Variants in UGGT2 observed in about 807,000 individuals in gnomAD.
UGGT2 encodes the protein UDP-glucose glycoprotein glucosyltransferase 2, also known as UDP-glucose:glycoprotein glucosyltransferase 2.
UGGT2 carries 180 observed loss-of-function variants against 192.1 expected under a neutral mutation model. The ratio of observed to expected loss-of-function variants is 0.94; its 90% confidence interval spans 0.83 to 1.06. UGGT2 has a LOEUF of 1.06. UGGT2 is among the 50% of genes least tolerant of loss of function. The probability of loss-of-function intolerance (pLI) is 0.00; values close to 1 mark genes in which losing one functional copy is unlikely to be tolerated. For missense variants in UGGT2, 1,849 were observed against 1,795.7 expected (o/e 1.03, Z -0.54); for synonymous variants, 580 against 591.0 (o/e 0.98, Z 0.27).
chr13:96,008,476 C>T (rs775502741), intron 5 of UGGT2, among the ~76,000 whole-genome samples: 23 of 152,116 alleles, frequency 1.5e-4, no homozygotes, highest in Non-Finnish European at 2.9e-4. Context: ...CATATCTAGA[C>T]AATCCCATAG....
rs1261859335 is a variant in UGGT2, at chr13:96,013,331, C to T, written c.636G>A (p.Leu212=). The T allele has an allele frequency of 3.1e-6, 5 of 1,601,186 alleles. No individual in the cohort carries two copies. Among genetic ancestry groups the T allele is most frequent in the Admixed American group, 3.5e-5 (2 of 56,510 alleles). Residue 212 remains leucine (L), a synonymous_variant, in exon 5 of 39, where the codon CTG becomes CTA. Transcript: ENST00000376747. Reference sequence around the variant, plus strand: ...CCTGAATATAATGGCGAAGAACATACAGAATTTCCTCATTTTGAGCTTTTT... The same window carrying T: ...CCTGAATATAATGGCGAAGAACATATAGAATTTCCTCATTTTGAGCTTTTT... ...LSEKAQNEEI[L]YVLRHYIQKP... is the part of the protein sequence containing the mutation.
At chr13:95,811,005 T>C (rs572204571) in intron 38 of UGGT2, among the ~76,000 whole-genome samples, 17 of 152,300 alleles carry the variant, frequency 1.1e-4, no homozygotes, top group Non-Finnish European at 2.5e-4. Context: ...CACAATAAGA[T>C]GGTGAACATC....
intron 1 of UGGT2, among the ~76,000 whole-genome samples, chr13:96,049,632 C>T (rs939952169): frequency 1.3e-5 from 2 of 152,184 alleles, no homozygotes; most frequent in African/African-American, 4.8e-5. Context: ...TCAGCAAAGT[C>T]TCAGGATACA....
intron 31 of UGGT2, among the ~76,000 whole-genome samples, chr13:95,862,938 C>G (rs1890300287): frequency 6.6e-6 from 1 of 152,164 alleles, no homozygotes; most frequent in Non-Finnish European, 1.5e-5. Context: ...TCTTGACTTA[C>G]TGCAGCTTTG....
intron 38 of UGGT2, among the ~76,000 whole-genome samples, chr13:95,828,791 A>G (rs1886330460): frequency 6.6e-6 from 1 of 152,216 alleles, no homozygotes; most frequent in Admixed American, 6.5e-5. Flanking sequence ...TTAATAGAAA[A>G]AGAGGGAATC....
intron 29 of UGGT2, among the ~76,000 whole-genome samples, chr13:95,868,934 T>C (rs1352608521): frequency 6.6e-6 from 1 of 152,084 alleles, no homozygotes; most frequent in East Asian, 1.9e-4. Context: ...GTGCACAATG[T>C]GCAGGTTTGT....
At chr13:95,879,690 G>C (rs1254379172) in intron 27 of UGGT2, among the ~76,000 whole-genome samples, 1 of 152,124 alleles carries the variant, frequency 6.6e-6, no homozygotes, top group Non-Finnish European at 1.5e-5. Flanking sequence ...GCCCATCTTG[G>C]CCTCCCAAAG....
intron 26 of UGGT2, 22 bp from the exon 27 acceptor site, chr13:95,884,702 A>G (rs1490224368): frequency 1.3e-6 from 2 of 1,569,170 alleles, no homozygotes; most frequent in Admixed American, 2.0e-5. Context: ...ACATAAAAAT[A>G]CATAATGTGA....
chr13:95,914,051 G>A (rs2048594650), intron 20 of UGGT2, among the ~76,000 whole-genome samples: 1 of 152,044 alleles, frequency 6.6e-6, no homozygotes, highest in African/African-American at 2.4e-5. Context: ...ATTGGACACA[G>A]GGCCTTGGAC....
At chr13:95,827,069 G>A (rs999136854) in intron 38 of UGGT2, among the ~76,000 whole-genome samples, 2 of 152,056 alleles carry the variant, frequency 1.3e-5, no homozygotes, top group Admixed American at 6.6e-5. Flanking sequence ...GATAAAGATG[G>A]CAATACAAAT....
intron 29 of UGGT2, among the ~76,000 whole-genome samples, chr13:95,869,459 C>T (rs1891027909): frequency 6.6e-6 from 1 of 152,174 alleles, no homozygotes; most frequent in South Asian, 2.1e-4. Flanking sequence ...TCAGGAATCA[C>T]CACACTGACT....
chr13:95,839,523 G>T (rs143150089), intron 36 of UGGT2, among the ~76,000 whole-genome samples: 168 of 152,110 alleles, frequency 1.1e-3, no homozygotes, highest in African/African-American at 4.0e-3. Context: ...ACAACATTTG[G>T]CTTATTCATT....
chr13:95,837,128 C>A lies in UGGT2; in HGVS notation c.4359G>T (p.Trp1453Cys). Residue 1453 changes from tryptophan to cysteine, a missense_variant, in exon 37 of 39, where the codon TGG becomes TGT. By Grantham distance (215) the Trp-to-Cys change is radical. Coordinates refer to ENST00000376747, the MANE Select transcript of UGGT2 (RefSeq NM_020121.4). ...LPQDWLWCET[W>C]CDDESKQRAK... The stretch of plus-strand genomic sequence containing the variant: ...CTCTTTGTTTGGATTCATCATCACA[C>A]CAGGTTTCACACCACAGCCAGTCTT... 6.2e-7 allele frequency: 1 copy of A among 1,614,066 alleles called. No individual in the cohort carries two copies. The highest frequency in any genetic ancestry group is 1.3e-5 in the African/African-American group (1 of 75,044).
chr13:96,039,737 C>T (rs1016835761), intron 1 of UGGT2, among the ~76,000 whole-genome samples: 1 of 152,196 alleles, frequency 6.6e-6, no homozygotes, highest in African/African-American at 2.4e-5. Flanking sequence ...CTTTTCAGCT[C>T]ATATCCAAGT....
At chr13:95,956,869 T>C (rs1839298583) in intron 12 of UGGT2, among the ~76,000 whole-genome samples, 2 of 152,244 alleles carry the variant, frequency 1.3e-5, no homozygotes, top group Non-Finnish European at 1.5e-5. Context: ...ACACAGGTAC[T>C]TGTACATCAA....
chr13:95,901,707 T>C (rs2048109797), intron 21 of UGGT2, among the ~76,000 whole-genome samples: 1 of 152,178 alleles, frequency 6.6e-6, no homozygotes, highest in Admixed American at 6.6e-5. Context: ...GTGGCTACTA[T>C]GACTGAGGAA....
At position 95,915,917 on chromosome 13, in the gene UGGT2, C is replaced by T. The variant is rs528806214; in HGVS notation, c.2295+9763G>A. Reference sequence around the variant, plus strand: ...TTGATCTCTTCCTGAGACAGAGTTCCCAGTGGGAGAAGCGGCTACCATCTC... The same window carrying T: ...TTGATCTCTTCCTGAGACAGAGTTCTCAGTGGGAGAAGCGGCTACCATCTC... On this transcript the variant is annotated intron_variant, in intron 20 of 38. Coordinates refer to ENST00000376747, the MANE Select transcript of UGGT2 (RefSeq NM_020121.4). 4.6e-5 allele frequency among the ~76,000 whole-genome samples: 7 copies of T among 152,300 alleles called. No individual in the cohort carries two copies. The South Asian group carries it at 1.5e-3, about 32-fold the overall frequency.
intron 1 of UGGT2, among the ~76,000 whole-genome samples, chr13:96,052,339 G>A (rs1229359383): frequency 6.6e-6 from 1 of 152,070 alleles, no homozygotes; most frequent in East Asian, 1.9e-4. Context: ...AGGGAGTGAG[G>A]GATAAAAGAC....
chr13:95,984,071 A>T (rs2051214221), intron 9 of UGGT2, among the ~76,000 whole-genome samples: 1 of 152,208 alleles, frequency 6.6e-6, no homozygotes, highest in Non-Finnish European at 1.5e-5. Flanking sequence ...TCAAAATTTC[A>T]TGTGTACTAG....
Sources: allele counts gnomAD v4.1 joint callset (sites outside exome capture counted in the v4.1 genomes callset), GRCh38; gene constraint gnomAD v4.1.1; transcripts MANE v1.5; gene names NCBI Gene and HGNC (gene_info 2026-07-23, HGNC 2026-07-21).